GPR37: variants seen among roughly 807,000 people sequenced by gnomAD.
GPR37 encodes prosaposin receptor GPR37.
Under a neutral mutation model 43.6 loss-of-function variants are expected in GPR37, and 20 were observed. The observed-to-expected ratio is 0.46, with a 90% CI of 0.32 to 0.67. The LOEUF (loss-of-function observed/expected upper bound fraction) is 0.67, where lower values mean the gene tolerates loss of function less well. Among genes scored for constraint, GPR37 ranks in the 30% least tolerant of loss-of-function variants. The pLI is 0.03. For synonymous variants in GPR37, 315 were observed against 322.6 expected (o/e 0.98, Z 0.25); for missense variants, 724 against 797.2 (o/e 0.91, Z 1.11).
intron 1 of GPR37, among the ~76,000 whole-genome samples, chr7:124,760,054 A>G (rs1177426004): frequency 6.6e-6 from 1 of 152,174 alleles, no homozygotes; most frequent in African/African-American, 2.4e-5. Context: ...ATTCAATCAT[A>G]ATCTATTGAG....
Position 124,758,077 on chromosome 7 carries a change from C to A in GPR37, c.1023+5877G>T, listed in dbSNP as rs1310354814. ...AATTTTCCTATTTATACTTCATTGACAAGCTTTAGAAAAGGACACATTCTC... is the reference window on the plus strand; with the variant it reads ...AATTTTCCTATTTATACTTCATTGAAAAGCTTTAGAAAAGGACACATTCTC... On this transcript the variant is annotated intron_variant, in intron 1 of 1. Coordinates refer to ENST00000303921, the MANE Select transcript of GPR37 (RefSeq NM_005302.5). Among the ~76,000 whole-genome samples the A allele has an allele frequency of 1.0e-4, 15 of 150,046 alleles. No homozygotes were observed. In the Admixed American group the frequency reaches 1.0e-3, roughly 10 times the overall value.
At chr7:124,758,683 T>C (rs943856221) in intron 1 of GPR37, among the ~76,000 whole-genome samples, 3 of 152,212 alleles carry the variant, frequency 2.0e-5, no homozygotes, top group Non-Finnish European at 4.4e-5. Flanking sequence ...GCTAAAGTCA[T>C]TGGAGAAGCT....
intron 1 of GPR37, 97 bp downstream of exon 1, chr7:124,763,857 C>A: frequency 9.8e-7 from 1 of 1,024,788 alleles, no homozygotes; most frequent in Non-Finnish European, 1.4e-6. Context: ...AAAGGAAAGG[C>A]GTTCAGCTAG....
At position 124,745,190 on chromosome 7, in the gene GPR37, A is replaced by G. The variant is rs1402197620; in HGVS notation, c.*1335T>C. ...ATGCCGAGTAGAACAGAAATCAACA[A>G]GCAGAAACTACGTTTTCCCAGCAAG... On this transcript the variant is annotated 3_prime_UTR_variant, in exon 2 of 2. Coordinates refer to ENST00000303921, the MANE Select transcript of GPR37 (RefSeq NM_005302.5). Among the ~76,000 whole-genome samples, 1 of 152,212 alleles carries G rather than the reference A, an allele frequency of 6.6e-6. No individual in the cohort carries two copies. The highest frequency in any genetic ancestry group is 1.5e-5 in the Non-Finnish European group (1 of 68,040).
intron 1 of GPR37, among the ~76,000 whole-genome samples, chr7:124,748,511 A>G (rs1010063340): frequency 6.6e-6 from 1 of 152,162 alleles, no homozygotes; most frequent in African/African-American, 2.4e-5. Flanking sequence ...ACAATATGCA[A>G]GAGACAATGA....
Position 124,764,101 on chromosome 7 carries a change from C to T in GPR37, c.876G>A (p.Met292Ile). Residue 292 changes from methionine (M) to isoleucine (I), a missense_variant, in exon 1 of 2, where the codon ATG becomes ATA. Physicochemically the swap from Met to Ile is conservative, Grantham distance 10. Transcript: ENST00000303921. The surrounding 1 kb of genome is among the most constrained non-coding windows in gnomAD (Gnocchi z 5.4). ...VMCIVCHNYY[M>I]RSISNSLLAN... The stretch of plus-strand genomic sequence containing the variant: ...CCAAGAGGGAGTTGGAGATGCTCCG[C>T]ATGTAGTAGTTGTGGCACACGATGC... 6.2e-7 allele frequency: 1 copy of T among 1,613,862 alleles called. No homozygotes were observed.
At chr7:124,758,475 T>C (rs143121681) in intron 1 of GPR37, among the ~76,000 whole-genome samples, 1 of 152,314 alleles carries the variant, frequency 6.6e-6, no homozygotes, top group East Asian at 1.9e-4. Context: ...AATCCACCTC[T>C]CAAAGAAAAT....
Position 124,747,231 on chromosome 7 carries a change from G to T in GPR37, c.1136C>A (p.Thr379Lys). Reference sequence around the variant, plus strand: ...CCATATAACAGCAAGTTTGGCAGTTGTTGAGGAACAGTTTTCGATCATTTC... The same window carrying T: ...CCATATAACAGCAAGTTTGGCAGTTTTTGAGGAACAGTTTTCGATCATTTC... ...YYEMIENCSSTTAKLAVIWVG... is the reference protein window; with the variant it reads ...YYEMIENCSSKTAKLAVIWVG... Residue 379 changes from threonine (T) to lysine (K), a missense_variant, in exon 2 of 2, where the codon ACA (threonine) becomes AAA (lysine). Coordinates refer to ENST00000303921, the MANE Select transcript of GPR37 (RefSeq NM_005302.5). The T allele has an allele frequency of 6.2e-7, 1 of 1,613,890 alleles. No homozygotes were observed. The highest frequency in any genetic ancestry group is 8.5e-7 in the Non-Finnish European group (1 of 1,179,872).
intron 1 of GPR37, among the ~76,000 whole-genome samples, chr7:124,754,669 C>T (rs1241129096): frequency 1.3e-5 from 2 of 152,100 alleles, no homozygotes; most frequent in African/African-American, 4.8e-5. Context: ...CATAAAAAAT[C>T]TTTAAGTACA....
chr7:124,754,516 G>GT (rs1250161125), intron 1 of GPR37, among the ~76,000 whole-genome samples: 2 of 113,236 alleles, frequency 1.8e-5, no homozygotes, highest in Admixed American at 9.1e-5. Context: ...ACGAAACAGT[G>GT]TCCTAAGCAA....
At chr7:124,755,222 C>G (rs1309108376) in intron 1 of GPR37, among the ~76,000 whole-genome samples, 2 of 152,262 alleles carry the variant, frequency 1.3e-5, no homozygotes, top group African/African-American at 4.8e-5. Context: ...TCCTTATCAA[C>G]TGATATTTAG....
At chr7:124,755,897 A>C (rs1199424410) in intron 1 of GPR37, among the ~76,000 whole-genome samples, 1 of 152,122 alleles carries the variant, frequency 6.6e-6, no homozygotes, top group Non-Finnish European at 1.5e-5. Flanking sequence ...ATTTTTACCT[A>C]TTTCCCTTTC....
rs76111208 is a variant in GPR37, at chr7:124,743,999, G to A, written c.*2526C>T. On this transcript the variant is annotated 3_prime_UTR_variant, in exon 2 of 2. Transcript: ENST00000303921. ...TTGGTTTTTGTGAAAAACACAAGAC[G>A]ACTATGAGAAAACTTTGAAATCACT... 1.1e-4 allele frequency: 16 copies of A among 151,848 alleles called. No homozygotes were observed. Among genetic ancestry groups the A allele is most frequent in the Non-Finnish European group, 1.9e-4 (13 of 67,912 alleles). The allele number at this position is 151,848 out of a possible 1,614,324, so 9.4% of individuals were successfully genotyped here. A position where few individuals can be genotyped will look rare whatever the true frequency, so the allele number is the denominator to read the frequency against.
chr7:124,761,648 C>T (rs1181434775), intron 1 of GPR37, among the ~76,000 whole-genome samples: 2 of 152,178 alleles, frequency 1.3e-5, no homozygotes, highest in African/African-American at 2.4e-5. Flanking sequence ...AGGAACCCAA[C>T]GTAGGAGAAA....
chr7:124,752,494 A>ACT, intron 1 of GPR37, among the ~76,000 whole-genome samples: 1 of 152,148 alleles, frequency 6.6e-6, no homozygotes, highest in Non-Finnish European at 1.5e-5. Context: ...CTAGGCAGAG[A>ACT]GGATTGACTA....
At position 124,746,881 on chromosome 7, in the gene GPR37, C is replaced by A; in HGVS notation, c.1486G>T (p.Ala496Ser). 6.2e-7 allele frequency: 1 copy of A among 1,614,006 alleles called. No individual in the cohort carries two copies. Among genetic ancestry groups the A allele is most frequent in the South Asian group, 1.1e-5 (1 of 91,080 alleles). ...CAAAATCCATATAAAATGGTCAGTG[C>A]CACTACTGTACAGTTCATCTGACTC... is the stretch of plus-strand genomic sequence containing the variant. ...LESQMNCTVVALTILYGFCII... is the reference protein window; with the variant it reads ...LESQMNCTVVSLTILYGFCII... The change falls in exon 2 of 2, where the codon GCA (alanine) becomes TCA (serine). Residue 496 changes from alanine (A) to serine (S), a missense_variant. Ala to Ser is a moderately conservative substitution (Grantham distance 99). This residue lies in a region of GPR37 where 342 missense variants were observed against 441.8 expected (regional missense o/e 0.77). Transcript: ENST00000303921.
chr7:124,764,574 C>T lies in GPR37; in HGVS notation c.403G>A (p.Gly135Arg). Residue 135 changes from glycine (G) to arginine (R), a missense_variant, in exon 1 of 2, where the codon GGG becomes AGG. Coordinates refer to ENST00000303921, the MANE Select transcript of GPR37 (RefSeq NM_005302.5). This position sits in a 1 kb window ranked among gnomAD's most constrained non-coding sequence, Gnocchi z 5.4. ...TGGAGGGCCGTGGGGTTCCCTCTCC[C>T]CAAAGTTTCAGAAGGCTCCTGACCC... ...ARGQEPSETLGRGNPTALQLF... is the reference protein window; with the variant it reads ...ARGQEPSETLRRGNPTALQLF... 6.2e-7 allele frequency: 1 copy of T among 1,612,118 alleles called. No individual in the cohort carries two copies. Among genetic ancestry groups the T allele is most frequent in the Non-Finnish European group, 8.5e-7 (1 of 1,179,208 alleles).
At chr7:124,760,689 C>T (rs1263750202) in intron 1 of GPR37, among the ~76,000 whole-genome samples, 1 of 152,122 alleles carries the variant, frequency 6.6e-6, no homozygotes, top group Non-Finnish European at 1.5e-5. Flanking sequence ...AAAGCTTGTG[C>T]TTCATACAGG....
intron 1 of GPR37, among the ~76,000 whole-genome samples, chr7:124,749,916 C>CA (rs967153890): frequency 8.6e-5 from 13 of 151,996 alleles, no homozygotes; most frequent in African/African-American, 3.1e-4. Flanking sequence ...CTGCAAATGA[C>CA]AAAAAATAAT....
Sources: allele counts gnomAD v4.1 joint callset (sites outside exome capture counted in the v4.1 genomes callset), GRCh38; gene constraint gnomAD v4.1.1; regional missense constraint gnomAD v4.1.1; non-coding constraint Gnocchi (gnomAD v3.1); transcripts MANE v1.5; gene names NCBI Gene and HGNC (gene_info 2026-07-23, HGNC 2026-07-21).